The following LRMDA variants were observed in gnomAD, a reference collection of about 807,000 sequenced individuals.
LRMDA encodes leucine rich melanocyte differentiation associated.
LRMDA carries 18 observed loss-of-function variants against 29.8 expected under a neutral mutation model. The observed-to-expected ratio is 0.60, with a 90% CI of 0.42 to 0.90. The LOEUF is 0.90. LRMDA is among the 40% of genes least tolerant of loss of function. The probability of loss-of-function intolerance (pLI) is 0.00; values close to 1 mark genes in which losing one functional copy is unlikely to be tolerated. For synonymous variants in LRMDA, 125 were observed against 109.4 expected (o/e 1.14, Z -0.89); for missense variants, 273 against 273.9 (o/e 1.00, Z 0.02).
At chr10:75,456,989 T>TA (rs573988580) in intron 2 of LRMDA, among the ~76,000 whole-genome samples, 38 of 152,084 alleles carry the variant, frequency 2.5e-4, no homozygotes, top group Non-Finnish European at 4.4e-4. Flanking sequence ...AAATGGATTT[T>TA]AAAAAAAACA....
chr10:76,486,504 G>T (rs1187955853), intron 6 of LRMDA, among the ~76,000 whole-genome samples: 1 of 151,892 alleles, frequency 6.6e-6, no homozygotes, highest in Non-Finnish European at 1.5e-5. Context: ...AAAATTAGAG[G>T]ACTCTGTTAT....
At chr10:76,456,656 A>T (rs1307387984) in intron 6 of LRMDA, among the ~76,000 whole-genome samples, 2 of 151,012 alleles carry the variant, frequency 1.3e-5, no homozygotes, top group Admixed American at 6.6e-5. Flanking sequence ...CTCTTATTAA[A>T]AAAAAAAAAA....
At chr10:76,381,266 T>C (rs573118743) in intron 6 of LRMDA, among the ~76,000 whole-genome samples, 9 of 152,222 alleles carry the variant, frequency 5.9e-5, no homozygotes, top group African/African-American at 2.2e-4. Flanking sequence ...CATTTGTACG[T>C]CATTTAGGAC....
intron 5 of LRMDA, among the ~76,000 whole-genome samples, chr10:76,188,186 A>G (rs996595436): frequency 6.6e-6 from 1 of 152,196 alleles, no homozygotes; most frequent in African/African-American, 2.4e-5. Flanking sequence ...AGAGGGGCTG[A>G]TGCATCCATT....
intron 5 of LRMDA, among the ~76,000 whole-genome samples, chr10:76,092,465 A>G (rs988449094): frequency 6.6e-6 from 1 of 152,178 alleles, no homozygotes; most frequent in Non-Finnish European, 1.5e-5. Context: ...CCTATATCCA[A>G]TCTCTCTTCC....
At chr10:76,173,047 T>A (rs1850866783) in intron 5 of LRMDA, among the ~76,000 whole-genome samples, 1 of 133,548 alleles carries the variant, frequency 7.5e-6, no homozygotes, top group African/African-American at 3.1e-5. Flanking sequence ...AGCATGAAAG[T>A]GTTAAGAAGA....
chr10:76,548,404 G>C (rs1843447353), intron 6 of LRMDA, among the ~76,000 whole-genome samples: 1 of 150,266 alleles, frequency 6.7e-6, no homozygotes, highest in Admixed American at 6.6e-5. Flanking sequence ...CATTGTTTAG[G>C]AAGTCAAGAA....
chr10:76,552,170 C>T (rs1255757761), intron 6 of LRMDA, among the ~76,000 whole-genome samples: 2 of 152,184 alleles, frequency 1.3e-5, no homozygotes, highest in Non-Finnish European at 1.5e-5. Context: ...ATGTCAAATG[C>T]ATTTTTGTAT....
chr10:76,250,561 A>G (rs926447653), intron 5 of LRMDA, among the ~76,000 whole-genome samples: 1 of 152,234 alleles, frequency 6.6e-6, no homozygotes, highest in African/African-American at 2.4e-5. Flanking sequence ...TAGGTTTCAA[A>G]TCTCGTATTT....
chr10:75,922,406 GT>G (rs1222364397), intron 2 of LRMDA, among the ~76,000 whole-genome samples: 1 of 152,188 alleles, frequency 6.6e-6, no homozygotes, highest in Non-Finnish European at 1.5e-5. Flanking sequence ...GGTTGGTTGA[GT>G]GTCAAGACCA....
intron 5 of LRMDA, among the ~76,000 whole-genome samples, chr10:76,228,144 C>T (rs1851994876): frequency 6.6e-6 from 1 of 151,862 alleles, no homozygotes; most frequent in African/African-American, 2.4e-5. Context: ...GCCTCAGCCT[C>T]CCGAGTAGCT....
chr10:76,059,522 A>G (rs1023809838), intron 5 of LRMDA, among the ~76,000 whole-genome samples: 2 of 152,176 alleles, frequency 1.3e-5, no homozygotes, highest in Non-Finnish European at 2.9e-5. Context: ...GAGGCTGGGG[A>G]ATGGACTCGG....
chr10:76,096,174 G>A (rs755224438), intron 5 of LRMDA, among the ~76,000 whole-genome samples: 30 of 152,044 alleles, frequency 2.0e-4, no homozygotes, highest in Admixed American at 9.2e-4. Context: ...TTTTGGTAGC[G>A]TATCTAACAA....
chr10:75,598,272 G>A lies in LRMDA; in HGVS notation c.131+159778G>A, dbSNP rs114932232. Among the ~76,000 whole-genome samples, 1,456 of 152,202 alleles carry A rather than the reference G, an allele frequency of 9.6e-3. 18 individuals are homozygous for A. Among genetic ancestry groups the A allele is most frequent in the African/African-American group, 0.03 (1,261 of 41,522 alleles). On this transcript the variant is annotated intron_variant, in intron 2 of 6. Transcript: ENST00000611255. ...TGCTTCACTGATGAGTCCAACTTTC[G>A]GTAGCATTTTGCAGACGCAGCGTGA...
At position 75,711,218 on chromosome 10, in the gene LRMDA, C is replaced by A. The variant is rs537959323; in HGVS notation, c.131+272724C>A. 9.2e-5 allele frequency among the ~76,000 whole-genome samples: 14 copies of A among 152,240 alleles called. No individual in the cohort carries two copies. The East Asian group carries it at 2.7e-3, about 29-fold the overall frequency. The stretch of plus-strand genomic sequence containing the variant: ...GGGAGAGGTGATGGGATGTGCCCAT[C>A]TGTTGGACAAGGAGTTGGAATCCTA... On this transcript the variant is annotated intron_variant, in intron 2 of 6. Coordinates refer to ENST00000611255, the MANE Select transcript of LRMDA (RefSeq NM_001305581.2).
chr10:75,523,057 CTT>C (rs1026051399), intron 2 of LRMDA, among the ~76,000 whole-genome samples: 1 of 152,226 alleles, frequency 6.6e-6, no homozygotes, highest in Non-Finnish European at 1.5e-5. Context: ...CATTTCCCCT[CTT>C]TGAACTTCAG....
intron 6 of LRMDA, among the ~76,000 whole-genome samples, chr10:76,473,836 A>G (rs955312180): frequency 2.6e-5 from 4 of 151,626 alleles, no homozygotes; most frequent in Admixed American, 2.6e-4. Flanking sequence ...TTCCTGAAAT[A>G]CAATGAAAAT....
chr10:76,125,706 CTG>C (rs990007716), intron 5 of LRMDA, among the ~76,000 whole-genome samples: 3 of 152,168 alleles, frequency 2.0e-5, no homozygotes, highest in Admixed American at 2.0e-4. Context: ...TTTCTGGTGA[CTG>C]TGTCCCACAT....
chr10:76,471,760 A>G (rs1842619782), intron 6 of LRMDA, among the ~76,000 whole-genome samples: 1 of 151,772 alleles, frequency 6.6e-6, no homozygotes, highest in African/African-American at 2.4e-5. Flanking sequence ...CAATAAGAAA[A>G]TTGGAGTGGC....
Sources: allele counts gnomAD v4.1 joint callset (sites outside exome capture counted in the v4.1 genomes callset), GRCh38; gene constraint gnomAD v4.1.1; transcripts MANE v1.5; gene names NCBI Gene and HGNC (gene_info 2026-07-23, HGNC 2026-07-21).